Variants in SPIDR observed in about 807,000 individuals in gnomAD.
The protein encoded by SPIDR is scaffold protein involved in DNA repair.
SPIDR carries 93 observed loss-of-function variants against 104.6 expected under a neutral mutation model. That is an observed-to-expected ratio of 0.89 (90% confidence interval 0.75 to 1.06). SPIDR has a LOEUF of 1.06. Among genes scored for constraint, SPIDR ranks in the 50% least tolerant of loss-of-function variants. SPIDR has a pLI of 0.00. For missense variants in SPIDR, 1,154 were observed against 1,111.2 expected (o/e 1.04, Z -0.55); for synonymous variants, 431 against 416.9 (o/e 1.03, Z -0.41).
intron 8 of SPIDR, among the ~76,000 whole-genome samples, chr8:47,445,740 C>T (rs1166275846): frequency 9.2e-5 from 14 of 152,122 alleles, no homozygotes; most frequent in South Asian, 2.1e-4. Context: ...AGTGAGCACA[C>T]AAATATTGAG....
intron 8 of SPIDR, among the ~76,000 whole-genome samples, chr8:47,442,459 C>T (rs1760718298): frequency 6.6e-6 from 1 of 152,158 alleles, no homozygotes; most frequent in South Asian, 2.1e-4. Context: ...GTAGGTTAAT[C>T]TCTGCATTCA....
rs79650218 is a variant in SPIDR at position 47,512,310 on chromosome 8, C to T, written c.1097+71768C>T. Among the ~76,000 whole-genome samples, 499 of 152,186 alleles carry T rather than the reference C, an allele frequency of 3.3e-3. 2 individuals are homozygous for T. The highest frequency in any genetic ancestry group is 0.011 in the African/African-American group (458 of 41,506). On this transcript the variant is annotated intron_variant, in intron 8 of 19. Transcript: ENST00000297423. ...CTGAAACCCAAACTCTTGTGTTGTT[C>T]GTCTCACCCTGTCTACACACTGTTG...
rs200774979 is a variant in SPIDR, at chr8:47,587,832, G to A, written c.1098-7979G>A. On this transcript the variant is annotated intron_variant, in intron 8 of 19. Coordinates refer to ENST00000297423, the MANE Select transcript of SPIDR (RefSeq NM_001080394.4). ...AAAAAAATCAGTTGGGCATATTTGT[G>A]TAGTATATTTCTGGGTTCTTCTGTT... Among the ~76,000 whole-genome samples, 16 of 150,700 alleles carry A rather than the reference G, an allele frequency of 1.1e-4. No homozygotes were observed. The East Asian group carries it at 1.8e-3, about 17-fold the overall frequency.
intron 5 of SPIDR, among the ~76,000 whole-genome samples, chr8:47,311,957 A>C (rs2044253806): frequency 6.6e-6 from 1 of 152,078 alleles, no homozygotes. Flanking sequence ...CCTATGAGTG[A>C]GAACATGCGG....
At chr8:47,335,199 C>T (rs1294952002) in intron 5 of SPIDR, among the ~76,000 whole-genome samples, 1 of 152,092 alleles carries the variant, frequency 6.6e-6, no homozygotes, top group African/African-American at 2.4e-5. Context: ...TAATTTATTC[C>T]TTCATCAGCT....
chr8:47,713,436 A>T, intron 15 of SPIDR, 53 bp from the exon 16 acceptor site: 1 of 1,610,976 alleles, frequency 6.2e-7, no homozygotes, highest in Non-Finnish European at 8.5e-7. Flanking sequence ...CATTATGGGC[A>T]CAATTCACTT....
intron 8 of SPIDR, among the ~76,000 whole-genome samples, chr8:47,585,736 A>G (rs1402560362): frequency 1.3e-5 from 2 of 152,190 alleles, no homozygotes; most frequent in East Asian, 3.9e-4. Flanking sequence ...TGGCACCACC[A>G]TTACATGGCA....
intron 10 of SPIDR, chr8:47,660,950 G>C (rs147266386): frequency 2.0e-6 from 2 of 985,426 alleles, no homozygotes; most frequent in Non-Finnish European, 1.2e-6. Flanking sequence ...GCACAGAAGA[G>C]ATGCAGGCAC....
At chr8:47,683,720 C>T (rs1289524954) in intron 11 of SPIDR, among the ~76,000 whole-genome samples, 1 of 152,092 alleles carries the variant, frequency 6.6e-6, no homozygotes, top group Non-Finnish European at 1.5e-5. Flanking sequence ...TTTTGAATTT[C>T]AGATTAGGGA....
At chr8:47,418,696 C>G (rs1175297619) in intron 7 of SPIDR, among the ~76,000 whole-genome samples, 1 of 152,052 alleles carries the variant, frequency 6.6e-6, no homozygotes, top group African/African-American at 2.4e-5. Context: ...CTGTCTTGTG[C>G]AGTTTTCAAA....
intron 6 of SPIDR, among the ~76,000 whole-genome samples, chr8:47,400,217 A>C (rs561034067): frequency 1.4e-3 from 206 of 152,330 alleles, no homozygotes; most frequent in Admixed American, 4.1e-3. Context: ...GAGACAACAC[A>C]GTGCTGTTTA....
chr8:47,544,384 T>G lies in SPIDR; in HGVS notation c.1098-51427T>G, dbSNP rs1389467407. On this transcript the variant is annotated intron_variant, in intron 8 of 19. Transcript: ENST00000297423. ...AGTTTTAATTTTAATGAAATTCAAA[T>G]TACCAATTTTTCCTTTTATGAATTG... Among the ~76,000 whole-genome samples the G allele has an allele frequency of 2.0e-5, 3 of 152,236 alleles. No homozygotes were observed. The South Asian group carries it at 6.2e-4, about 31-fold the overall frequency.
chr8:47,274,628 A>G (rs1248424158), intron 1 of SPIDR, among the ~76,000 whole-genome samples: 1 of 150,840 alleles, frequency 6.6e-6, no homozygotes, highest in Non-Finnish European at 1.5e-5. Context: ...CCCATGCTAG[A>G]GTCCAGTTGC....
chr8:47,391,112 G>A (rs781898940), intron 5 of SPIDR, among the ~76,000 whole-genome samples: 5 of 152,150 alleles, frequency 3.3e-5, no homozygotes, highest in African/African-American at 7.2e-5. Flanking sequence ...CTCTCTGTCC[G>A]TGGTATGAGA....
intron 16 of SPIDR, among the ~76,000 whole-genome samples, chr8:47,718,174 A>G (rs946721015): frequency 1.3e-5 from 2 of 152,202 alleles, no homozygotes; most frequent in African/African-American, 4.8e-5. Flanking sequence ...CAGTGGAGGC[A>G]TGCACTACTA....
At chr8:47,713,959 A>G (rs1210043729) in intron 16 of SPIDR, among the ~76,000 whole-genome samples, 2 of 152,162 alleles carry the variant, frequency 1.3e-5, no homozygotes, top group Admixed American at 1.3e-4. Flanking sequence ...TCTGAAGCAT[A>G]GATGAGACTA....
chr8:47,284,306 A>G (rs960179333), intron 3 of SPIDR, among the ~76,000 whole-genome samples: 36 of 152,326 alleles, frequency 2.4e-4, no homozygotes, highest in African/African-American at 8.4e-4. Context: ...GCCTGCCTAC[A>G]GATAACTAAC....
chr8:47,731,702 C>T (rs1211407537), intron 19 of SPIDR, among the ~76,000 whole-genome samples: 1 of 152,174 alleles, frequency 6.6e-6, no homozygotes, highest in Non-Finnish European at 1.5e-5. Flanking sequence ...AGGCAACCGA[C>T]CACACAGCAG....
chr8:47,454,508 A>ATCTC, intron 8 of SPIDR, among the ~76,000 whole-genome samples: 1 of 152,070 alleles, frequency 6.6e-6, no homozygotes, highest in African/African-American at 2.4e-5. Context: ...CGGGGAAGGG[A>ATCTC]TAGGATTAGG....
Sources: gnomAD v4.1 joint callset for allele counts (sites outside exome capture counted in the v4.1 genomes callset) on GRCh38, gnomAD v4.1.1 for gene constraint, MANE v1.5 for transcripts, NCBI Gene and HGNC (gene_info 2026-07-23, HGNC 2026-07-21) for gene names.